The following KCNH8 variants were observed in gnomAD, a reference collection of about 807,000 sequenced individuals.
The protein encoded by KCNH8 is voltage-gated delayed rectifier potassium channel KCNH8.
A neutral mutation model predicts 103.6 loss-of-function variants in KCNH8; 70 were observed. The observed-to-expected ratio is 0.68, with a 90% CI of 0.56 to 0.82. The LOEUF is 0.82. Among genes scored for constraint, KCNH8 ranks in the 40% least tolerant of loss-of-function variants. KCNH8 has a pLI of 0.00. For synonymous variants in KCNH8, 498 were observed against 489.4 expected, an observed-to-expected ratio of 1.02 and a Z score of -0.23; for missense variants, 1,217 against 1,329.9, an observed-to-expected ratio of 0.92 and a Z score of 1.32.
chr3:19,370,856 G>A (rs556242604), intron 5 of KCNH8, among the ~76,000 whole-genome samples: 15 of 151,246 alleles, frequency 9.9e-5, no homozygotes, highest in African/African-American at 3.2e-4. Context: ...GAGAATATGC[G>A]GTGTTTGGTT....
chr3:19,494,117 T>C (rs888485490), intron 11 of KCNH8, among the ~76,000 whole-genome samples: 1 of 152,212 alleles, frequency 6.6e-6, no homozygotes, highest in African/African-American at 2.4e-5. Flanking sequence ...GTGTGTTAGT[T>C]TGCTTAGGAT....
At chr3:19,521,706 G>GA (rs1041398800) in intron 15 of KCNH8, among the ~76,000 whole-genome samples, 9 of 151,872 alleles carry the variant, frequency 5.9e-5, no homozygotes, top group Admixed American at 1.3e-4. Context: ...AATTAGAATA[G>GA]AAAACAAAAT....
At chr3:19,246,995 C>T (rs770673281) in intron 1 of KCNH8, among the ~76,000 whole-genome samples, 2 of 152,188 alleles carry the variant, frequency 1.3e-5, no homozygotes, top group Non-Finnish European at 2.9e-5. Flanking sequence ...ACTACTACCT[C>T]AGCACTAGAG....
chr3:19,149,347 A>G (rs1011396894), intron 1 of KCNH8, among the ~76,000 whole-genome samples: 15 of 152,134 alleles, frequency 9.9e-5, no homozygotes, highest in Non-Finnish European at 1.5e-4. Flanking sequence ...TTGAGCTAGA[A>G]TAGCGTATCT....
At chr3:19,422,892 TTGAAA>T (rs1011740942) in intron 7 of KCNH8, among the ~76,000 whole-genome samples, 3 of 151,942 alleles carry the variant, frequency 2.0e-5, no homozygotes, top group Non-Finnish European at 4.4e-5. Context: ...GTTTAAGTAA[TTGAAA>T]TGAAAAACGG....
At chr3:19,443,928 A>T (rs1471654831) in intron 8 of KCNH8, among the ~76,000 whole-genome samples, 1 of 152,088 alleles carries the variant, frequency 6.6e-6, no homozygotes, top group African/African-American at 2.4e-5. Context: ...CTAACAATGG[A>T]CTCACGTTGC....
intron 3 of KCNH8, among the ~76,000 whole-genome samples, chr3:19,305,511 C>G (rs1411627687): frequency 6.6e-6 from 1 of 152,130 alleles, no homozygotes; most frequent in East Asian, 1.9e-4. Flanking sequence ...ATCAGCCATC[C>G]TGCCCAGAGC....
At chr3:19,435,127 A>G (rs191503212) in intron 7 of KCNH8, among the ~76,000 whole-genome samples, 1 of 152,294 alleles carries the variant, frequency 6.6e-6, no homozygotes, top group African/African-American at 2.4e-5. Flanking sequence ...ACGTATATGT[A>G]TATCGAAACA....
At chr3:19,161,309 C>T (rs1484102512) in intron 1 of KCNH8, among the ~76,000 whole-genome samples, 1 of 152,152 alleles carries the variant, frequency 6.6e-6, no homozygotes, top group Non-Finnish European at 1.5e-5. Flanking sequence ...GGGGGAATTA[C>T]TGTATGTAGC....
intron 7 of KCNH8, among the ~76,000 whole-genome samples, chr3:19,396,602 A>T (rs1483421163): frequency 6.6e-6 from 1 of 152,090 alleles, no homozygotes; most frequent in African/African-American, 2.4e-5. Flanking sequence ...ATGGGGAAAT[A>T]AAACTACCAA....
At chr3:19,351,977 G>C (rs1252026405) in intron 5 of KCNH8, among the ~76,000 whole-genome samples, 1 of 152,076 alleles carries the variant, frequency 6.6e-6, no homozygotes, top group Non-Finnish European at 1.5e-5. Flanking sequence ...TCAGTGTGCT[G>C]TATTCAGGAG....
chr3:19,336,657 G>A (rs2065589361), intron 3 of KCNH8, among the ~76,000 whole-genome samples: 1 of 151,760 alleles, frequency 6.6e-6, no homozygotes, highest in South Asian at 2.1e-4. Context: ...ACTTCACTGT[G>A]ATTTTGGATT....
At chr3:19,434,933 T>C (rs1480917279) in intron 7 of KCNH8, among the ~76,000 whole-genome samples, 2 of 152,118 alleles carry the variant, frequency 1.3e-5, no homozygotes, top group East Asian at 3.9e-4. Context: ...TAATTGGAAA[T>C]GATCTTTTGT....
chr3:19,345,681 A>G (rs2065720066), intron 4 of KCNH8, among the ~76,000 whole-genome samples: 1 of 152,044 alleles, frequency 6.6e-6, no homozygotes, highest in Admixed American at 6.6e-5. Flanking sequence ...ATTTTGATAA[A>G]ACATTACAAA....
chr3:19,316,335 A>G (rs760116075), intron 3 of KCNH8, among the ~76,000 whole-genome samples: 4 of 151,894 alleles, frequency 2.6e-5, no homozygotes, highest in East Asian at 1.9e-4. Context: ...ATCTCCAGAC[A>G]TTGTCAGATA....
rs116192811 is a variant in KCNH8 at position 19,211,001 on chromosome 3, C to T, written c.77-42653C>T. ...ATAATGCCTAGTTGATGCCACTATCCTTAGCCTTCATCTAGGTTGTTTCAG... is the reference window on the plus strand; with the variant it reads ...ATAATGCCTAGTTGATGCCACTATCTTTAGCCTTCATCTAGGTTGTTTCAG... On this transcript the variant is annotated intron_variant, in intron 1 of 15. Coordinates refer to ENST00000328405, the MANE Select transcript of KCNH8 (RefSeq NM_144633.3). Among the ~76,000 whole-genome samples, 871 of 152,260 alleles carry T rather than the reference C, an allele frequency of 5.7e-3. 6 individuals are homozygous for T. The highest frequency in any genetic ancestry group is 0.02 in the African/African-American group (825 of 41,560).
chr3:19,247,994 A>T (rs1026992947), intron 1 of KCNH8, among the ~76,000 whole-genome samples: 1 of 152,236 alleles, frequency 6.6e-6, no homozygotes, highest in East Asian at 1.9e-4. Context: ...AATGATATGC[A>T]CAAGTCATAG....
intron 1 of KCNH8, among the ~76,000 whole-genome samples, chr3:19,243,697 A>T (rs1202703913): frequency 6.6e-6 from 1 of 152,174 alleles, no homozygotes; most frequent in Non-Finnish European, 1.5e-5. Flanking sequence ...AATTTAAAAG[A>T]CCTATCAGTG....
chr3:19,293,266 C>T (rs937768067), intron 3 of KCNH8, among the ~76,000 whole-genome samples: 1 of 152,104 alleles, frequency 6.6e-6, no homozygotes, highest in African/African-American at 2.4e-5. Context: ...ACAAGGGGAC[C>T]TCCAAGGAAA....
Sources: allele counts gnomAD v4.1 joint callset (sites outside exome capture counted in the v4.1 genomes callset), GRCh38; gene constraint gnomAD v4.1.1; transcripts MANE v1.5; gene names NCBI Gene and HGNC (gene_info 2026-07-23, HGNC 2026-07-21).